Variants in LUZP2 observed in about 807,000 individuals in gnomAD.
LUZP2 encodes leucine zipper protein 2.
Under a neutral mutation model 51.6 loss-of-function variants are expected in LUZP2, and 52 were observed. The ratio of observed to expected loss-of-function variants is 1.01; its 90% CI spans 0.81 to 1.27. The LOEUF (loss-of-function observed/expected upper bound fraction) is 1.27. Ranked by LOEUF, LUZP2 falls within the 50% of genes most tolerant of loss-of-function variation. The pLI is 0.00. For missense variants in LUZP2, 436 were observed against 395.4 expected, an observed-to-expected ratio of 1.10 and a Z score of -0.87; for synonymous variants, 154 against 137.3, an observed-to-expected ratio of 1.12 and a Z score of -0.85.
At chr11:25,007,791 G>A (rs976631547) in intron 9 of LUZP2, among the ~76,000 whole-genome samples, 1 of 152,034 alleles carries the variant, frequency 6.6e-6, no homozygotes, top group African/African-American at 2.4e-5. Flanking sequence ...TCTACTGCAA[G>A]GTGTGGACTT....
chr11:24,766,104 A>C (rs1860180172), intron 5 of LUZP2, among the ~76,000 whole-genome samples: 1 of 151,894 alleles, frequency 6.6e-6, no homozygotes, highest in African/African-American at 2.4e-5. Context: ...ATTTCCAGTT[A>C]CCTATATCTT....
At chr11:24,959,716 C>T (rs1015544593) in intron 7 of LUZP2, among the ~76,000 whole-genome samples, 8 of 152,122 alleles carry the variant, frequency 5.3e-5, no homozygotes, top group African/African-American at 1.9e-4. Context: ...ATTTGACTTC[C>T]TCTTTTCCTA....
intron 9 of LUZP2, among the ~76,000 whole-genome samples, chr11:25,044,279 A>G (rs1215685136): frequency 2.9e-5 from 4 of 137,564 alleles, no homozygotes; most frequent in African/African-American, 8.3e-5. Context: ...ATATATATAT[A>G]TATATATATA....
intron 5 of LUZP2, among the ~76,000 whole-genome samples, chr11:24,854,148 G>A (rs1825722): frequency 0.17 from 26,309 of 152,142 alleles, 2,393 homozygotes; most frequent in African/African-American, 0.22. Context: ...CTAGAGCACT[G>A]TGCTGGGAGA....
chr11:24,526,694 TGA>T (rs1850817060), intron 1 of LUZP2, among the ~76,000 whole-genome samples: 1 of 151,370 alleles, frequency 6.6e-6, no homozygotes, highest in Non-Finnish European at 1.5e-5. Flanking sequence ...ACGATTAACC[TGA>T]GTTTTATTTC....
chr11:24,843,876 T>C (rs569589715), intron 5 of LUZP2, among the ~76,000 whole-genome samples: 2 of 152,280 alleles, frequency 1.3e-5, no homozygotes, highest in African/African-American at 2.4e-5. Flanking sequence ...CCACCATCCA[T>C]GTAAGATGTG....
rs149133184 is a variant in LUZP2 at position 24,559,973 on chromosome 11, G to A, written c.62+62668G>A. Among the ~76,000 whole-genome samples the A allele has an allele frequency of 4.2e-3, 634 of 152,196 alleles. 4 individuals are homozygous for A. The highest frequency in any genetic ancestry group is 0.014 in the African/African-American group (577 of 41,534). ...GATAAATCACACACTGGGACCTGTC[G>A]GGGGGTGGCAGGATAGGGGAGGGAT... On this transcript the variant is annotated intron_variant, in intron 1 of 11. Coordinates refer to ENST00000336930, the MANE Select transcript of LUZP2 (RefSeq NM_001009909.4).
intron 4 of LUZP2, among the ~76,000 whole-genome samples, chr11:24,755,759 A>G (rs559617661): frequency 6.4e-4 from 98 of 152,224 alleles, no homozygotes; most frequent in Non-Finnish European, 1.3e-3. Context: ...GACTCTTTGT[A>G]GCAATTAAGA....
chr11:24,759,134 T>C (rs978962133), intron 4 of LUZP2, among the ~76,000 whole-genome samples: 1 of 152,076 alleles, frequency 6.6e-6, no homozygotes, highest in Admixed American at 6.6e-5. Context: ...CCAGGATAAT[T>C]AAAGATTTTA....
At chr11:24,855,252 G>C (rs1851523747) in intron 5 of LUZP2, among the ~76,000 whole-genome samples, 1 of 152,132 alleles carries the variant, frequency 6.6e-6, no homozygotes, top group Non-Finnish European at 1.5e-5. Flanking sequence ...AAGACTCCTA[G>C]ATGTGATCAA....
At chr11:24,526,833 G>A (rs1850822329) in intron 1 of LUZP2, among the ~76,000 whole-genome samples, 1 of 151,178 alleles carries the variant, frequency 6.6e-6, no homozygotes. Flanking sequence ...CTAGTCTAGA[G>A]TTTACTCTGT....
chr11:25,040,317 T>C (rs966478822), intron 9 of LUZP2, among the ~76,000 whole-genome samples: 1 of 150,676 alleles, frequency 6.6e-6, no homozygotes, highest in South Asian at 2.1e-4. Context: ...TAGTTCTCTG[T>C]AGAGAGCCAC....
intron 1 of LUZP2, among the ~76,000 whole-genome samples, chr11:24,587,818 G>C (rs1280966288): frequency 6.6e-6 from 1 of 151,920 alleles, no homozygotes; most frequent in Non-Finnish European, 1.5e-5. Flanking sequence ...TGTGTTTAAG[G>C]CAAACAGCTG....
chr11:25,032,287 A>G (rs2133993086), intron 9 of LUZP2, among the ~76,000 whole-genome samples: 1 of 152,288 alleles, frequency 6.6e-6, no homozygotes, highest in East Asian at 1.9e-4. Context: ...GTGTGTTTTC[A>G]CAGTTGTGTT....
rs570212709 is a variant in LUZP2 at position 24,585,003 on chromosome 11, T to A, written c.62+87698T>A. ...TGAAGTAGATGCTATCATTCCTTTT[T>A]ATCAATAAGGAATTATTTTCTCACA... On this transcript the variant is annotated intron_variant, in intron 1 of 11. Coordinates refer to ENST00000336930, the MANE Select transcript of LUZP2 (RefSeq NM_001009909.4). Among the ~76,000 whole-genome samples, 74 of 152,300 alleles carry A rather than the reference T, an allele frequency of 4.9e-4. 1 individual carries two copies. The highest frequency in any genetic ancestry group is 6.8e-3 in the Middle Eastern group (2 of 294).
chr11:24,608,665 T>C (rs868229838), intron 1 of LUZP2, among the ~76,000 whole-genome samples: 2 of 152,150 alleles, frequency 1.3e-5, no homozygotes, highest in Admixed American at 6.5e-5. Flanking sequence ...GAATGTTCAG[T>C]TTATACATAT....
chr11:24,688,269 T>G (rs1427321928), intron 1 of LUZP2, among the ~76,000 whole-genome samples: 6 of 152,172 alleles, frequency 3.9e-5, no homozygotes, highest in Admixed American at 3.9e-4. Context: ...CAGTTACCAT[T>G]GTGATCGTCA....
chr11:24,613,360 TTCTC>T (rs1389559711), intron 1 of LUZP2, among the ~76,000 whole-genome samples: 2 of 152,102 alleles, frequency 1.3e-5, no homozygotes, highest in Non-Finnish European at 2.9e-5. Flanking sequence ...ACACACTTCT[TTCTC>T]TCTTTCTTTT....
chr11:24,634,453 G>C (rs1054411575), intron 1 of LUZP2, among the ~76,000 whole-genome samples: 1 of 151,936 alleles, frequency 6.6e-6, no homozygotes, highest in Non-Finnish European at 1.5e-5. Flanking sequence ...CATATCAGAA[G>C]ATAAGCCAAG....
Sources: gnomAD v4.1 joint callset for allele counts (sites outside exome capture counted in the v4.1 genomes callset) on GRCh38, gnomAD v4.1.1 for gene constraint, MANE v1.5 for transcripts, NCBI Gene and HGNC (gene_info 2026-07-23, HGNC 2026-07-21) for gene names.